The following SLC29A3 variants were observed in gnomAD, a reference collection of about 807,000 sequenced individuals.
SLC29A3 encodes the protein solute carrier family 29 member 3, also known as equilibrative nucleoside transporter 3.
A neutral mutation model predicts 25.4 loss-of-function variants in SLC29A3; 18 were observed. That is an observed-to-expected ratio of 0.71 (90% CI 0.49 to 1.05). The LOEUF (loss-of-function observed/expected upper bound fraction) is 1.05, where lower values mean the gene tolerates loss of function less well. Ranked by LOEUF, SLC29A3 falls within the 50% of genes least tolerant of loss-of-function variation. The probability of loss-of-function intolerance (pLI) is 0.00; values close to 1 mark genes in which losing one functional copy is unlikely to be tolerated. For missense variants in SLC29A3, 586 were observed against 609.0 expected (o/e 0.96, Z 0.40); for synonymous variants, 258 against 267.1 (o/e 0.97, Z 0.33).
intron 3 of SLC29A3, among the ~76,000 whole-genome samples, chr10:71,349,582 G>GTGGGTT (rs1320680082): frequency 6.6e-6 from 1 of 152,132 alleles, no homozygotes; most frequent in African/African-American, 2.4e-5. Context: ...GGGTGTGGGT[G>GTGGGTT]TGGGCAACCT....
chr10:71,321,313 CA>C (rs1845841662), intron 1 of SLC29A3, among the ~76,000 whole-genome samples: 1 of 152,102 alleles, frequency 6.6e-6, no homozygotes, highest in East Asian at 1.9e-4. Context: ...GAGGTGTTCC[CA>C]TCCCACCAGG....
chr10:71,356,148 G>A lies in SLC29A3; in HGVS notation c.678G>A (p.Val226=), dbSNP rs758982186. The A allele has an allele frequency of 3.1e-6, 5 of 1,614,056 alleles. No homozygotes were observed. The highest frequency in any genetic ancestry group is 1.1e-5 in the South Asian group (1 of 91,082). ...SLVDLAASSD[V]RNSALAFFLT... ...TGGACTTGGCTGCATCCAGTGATGT[G>A]AGGAACAGCGCCCTGGCCTTCTTCC... The change falls in exon 5 of 6, where the codon GTG becomes GTA. Residue 226 remains valine, a synonymous_variant. Transcript: ENST00000373189.
At chr10:71,328,990 G>A (rs1846050309) in intron 2 of SLC29A3, among the ~76,000 whole-genome samples, 1 of 152,226 alleles carries the variant, frequency 6.6e-6, no homozygotes, top group Admixed American at 6.5e-5. Flanking sequence ...AAGGAAGCAG[G>A]ATGAGCTTGT....
intron 3 of SLC29A3, among the ~76,000 whole-genome samples, chr10:71,349,566 CTGTGTG>C (rs1846693342): frequency 6.6e-6 from 1 of 152,116 alleles, no homozygotes; most frequent in South Asian, 2.1e-4. Context: ...TTGTTTGTGG[CTGTGTG>C]GGTGTGGGTG....
At chr10:71,345,068 G>C (rs932087107) in intron 3 of SLC29A3, among the ~76,000 whole-genome samples, 12 of 152,202 alleles carry the variant, frequency 7.9e-5, no homozygotes, top group African/African-American at 9.7e-5. Flanking sequence ...CTGGCTTCAG[G>C]GAGGGTGCTG....
intron 2 of SLC29A3, among the ~76,000 whole-genome samples, chr10:71,340,857 T>A (rs1281897372): frequency 6.6e-6 from 1 of 152,094 alleles, no homozygotes; most frequent in African/African-American, 2.4e-5. Flanking sequence ...AAGGCAGTGC[T>A]GGTGGGAATA....
chr10:71,330,040 CG>C (rs1846083561), intron 2 of SLC29A3, among the ~76,000 whole-genome samples: 1 of 152,180 alleles, frequency 6.6e-6, no homozygotes, highest in Admixed American at 6.5e-5. Flanking sequence ...TTGGAGGGTT[CG>C]GTGCTTGTCT....
intron 5 of SLC29A3, among the ~76,000 whole-genome samples, chr10:71,358,694 T>C (rs893446788): frequency 6.6e-6 from 1 of 152,216 alleles, no homozygotes; most frequent in East Asian, 1.9e-4. Flanking sequence ...TGGGTCTGTT[T>C]CCAGCAGGGT....
intron 2 of SLC29A3, among the ~76,000 whole-genome samples, chr10:71,328,469 A>T (rs909873099): frequency 2.0e-5 from 3 of 152,168 alleles, no homozygotes; most frequent in African/African-American, 7.2e-5. Context: ...TGCCTGCATT[A>T]TCTCATGCAG....
intron 3 of SLC29A3, among the ~76,000 whole-genome samples, chr10:71,368,859 G>A (rs763120916): frequency 2.6e-5 from 4 of 152,132 alleles, no homozygotes; most frequent in African/African-American, 4.8e-5. Context: ...CACTAGGGGC[G>A]ATTGTAGTAC....
downstream of SLC29A3, among the ~76,000 whole-genome samples, chr10:71,368,213 G>T (rs1432237643): frequency 6.6e-6 from 1 of 152,098 alleles, no homozygotes; most frequent in East Asian, 1.9e-4. Flanking sequence ...CTGGGCAACA[G>T]AGTATCTAGA....
chr10:71,357,608 G>A (rs1846949773), intron 5 of SLC29A3, among the ~76,000 whole-genome samples: 1 of 152,144 alleles, frequency 6.6e-6, no homozygotes, highest in African/African-American at 2.4e-5. Flanking sequence ...GTAGAGCCAG[G>A]CAGGATTTTA....
chr10:71,377,539 G>T (rs1368220090), intron 4 of SLC29A3, among the ~76,000 whole-genome samples: 1 of 152,206 alleles, frequency 6.6e-6, no homozygotes, highest in Non-Finnish European at 1.5e-5. Context: ...GCCAATGCCC[G>T]CGCGGGGGCC....
Position 71,362,817 on chromosome 10 carries a change from A to G in SLC29A3, c.*209A>G. ...GATATTCCAGTCATATTAACAGAAC[A>G]CTCCTGAGACAGTTGAAGAAGAAAT... On this transcript the variant is annotated 3_prime_UTR_variant, in exon 6 of 6. Transcript: ENST00000373189. The G allele has an allele frequency of 1.4e-6, 1 of 708,536 alleles. No homozygotes were observed. Among genetic ancestry groups the G allele is most frequent in the East Asian group, 2.7e-5 (1 of 36,902 alleles). The allele number at this position is 708,536 out of a possible 1,614,324, so 43.9% of individuals were successfully genotyped here. A position where few individuals can be genotyped will look rare whatever the true frequency, so the allele number is the denominator to read the frequency against.
At chr10:71,348,117 C>T (rs575211800) in intron 3 of SLC29A3, among the ~76,000 whole-genome samples, 1 of 152,248 alleles carries the variant, frequency 6.6e-6, no homozygotes, top group Non-Finnish European at 1.5e-5. Context: ...CTCCCCACCC[C>T]CGGGTGCTAC....
chr10:71,377,002 C>A (rs908540140), intron 4 of SLC29A3, among the ~76,000 whole-genome samples: 4 of 152,214 alleles, frequency 2.6e-5, no homozygotes, highest in African/African-American at 9.6e-5. Flanking sequence ...TCTCGAACTC[C>A]TGACCTCAAG....
intron 3 of SLC29A3, among the ~76,000 whole-genome samples, chr10:71,371,031 T>C (rs907268258): frequency 6.6e-6 from 1 of 152,214 alleles, no homozygotes; most frequent in Non-Finnish European, 1.5e-5. Context: ...TCTACTCACC[T>C]CAGCCTCCCA....
chr10:71,340,403 G>T (rs866521892), intron 2 of SLC29A3, among the ~76,000 whole-genome samples: 1 of 152,304 alleles, frequency 6.6e-6, no homozygotes, highest in African/African-American at 2.4e-5. Context: ...ATACACAGTG[G>T]CCCCACTGCC....
chr10:71,345,362 C>G (rs1443642226), intron 3 of SLC29A3, among the ~76,000 whole-genome samples: 1 of 152,206 alleles, frequency 6.6e-6, no homozygotes, highest in African/African-American at 2.4e-5. Flanking sequence ...TCCCCTCTCT[C>G]TCTCTCTTCT....
Sources: allele counts gnomAD v4.1 joint callset (sites outside exome capture counted in the v4.1 genomes callset), GRCh38; gene constraint gnomAD v4.1.1; transcripts MANE v1.5; gene names NCBI Gene and HGNC (gene_info 2026-07-23, HGNC 2026-07-21).